DPY19L1: variants seen among roughly 807,000 people sequenced by gnomAD.
DPY19L1 encodes dpy-19 like C-mannosyltransferase 1.
In DPY19L1, 35 loss-of-function variants were observed where a neutral mutation model predicts 96.9. The observed-to-expected ratio is 0.36, with a 90% confidence interval of 0.28 to 0.48. The LOEUF (loss-of-function observed/expected upper bound fraction) is 0.48. Ranked by LOEUF, DPY19L1 falls within the 20% of genes least tolerant of loss-of-function variation. The pLI, the probability that DPY19L1 is intolerant of heterozygous loss-of-function variation, is 0.99. For synonymous variants in DPY19L1, 205 were observed against 252.6 expected (o/e 0.81, Z 1.79); for missense variants, 521 against 777.9 (o/e 0.67, Z 3.93).
intron 8 of DPY19L1, among the ~76,000 whole-genome samples, chr7:34,972,929 G>C (rs1159319487): frequency 6.6e-6 from 1 of 152,206 alleles, no homozygotes; most frequent in Non-Finnish European, 1.5e-5. Flanking sequence ...ATTGCCCAAA[G>C]GGTTTGGCAT....
intron 13 of DPY19L1, among the ~76,000 whole-genome samples, chr7:34,954,087 T>C (rs1784324295): frequency 6.6e-6 from 1 of 152,200 alleles, no homozygotes; most frequent in Non-Finnish European, 1.5e-5. Flanking sequence ...TTAAATTAAA[T>C]CTTTGATAGC....
intron 3 of DPY19L1, among the ~76,000 whole-genome samples, chr7:35,017,555 C>T (rs1175578129): frequency 1.9e-4 from 28 of 148,454 alleles, no homozygotes; most frequent in Admixed American, 1.7e-3. Context: ...ACCTGTAGTC[C>T]CAGCTACTCA....
At chr7:34,938,694 T>C (rs60463029) in intron 20 of DPY19L1, among the ~76,000 whole-genome samples, 2,921 of 152,212 alleles carry the variant, frequency 0.019, 105 homozygotes, top group African/African-American at 0.067. Context: ...CCTAATCACT[T>C]AGAAAATGAA....
At chr7:35,032,073 CTTG>C (rs1455034983) in intron 1 of DPY19L1, among the ~76,000 whole-genome samples, 66 of 152,270 alleles carry the variant, frequency 4.3e-4, no homozygotes, top group Non-Finnish European at 2.5e-4. Flanking sequence ...GCTCTTTCTA[CTTG>C]TTGTTCCTGT....
chr7:35,001,083 G>C (rs147711599), intron 6 of DPY19L1, among the ~76,000 whole-genome samples: 1 of 152,082 alleles, frequency 6.6e-6, no homozygotes, highest in Non-Finnish European at 1.5e-5. Flanking sequence ...TCTATAAAGC[G>C]GTTTACCTAT....
intron 6 of DPY19L1, among the ~76,000 whole-genome samples, chr7:35,001,999 C>T (rs1415366786): frequency 3.3e-5 from 5 of 151,728 alleles, no homozygotes; most frequent in Non-Finnish European, 1.5e-5. Context: ...GTGGTGCGTG[C>T]CTGTAGTCCC....
At chr7:34,990,093 T>C in intron 6 of DPY19L1, 152 bp from the exon 7 acceptor site, 1 of 494,826 alleles carries the variant, frequency 2.0e-6, no homozygotes, top group Non-Finnish European at 3.5e-6. Context: ...ATAGTTTATT[T>C]CCTCCAAAAG....
intron 10 of DPY19L1, among the ~76,000 whole-genome samples, chr7:34,961,117 A>C (rs1347978123): frequency 2.6e-5 from 4 of 152,298 alleles, no homozygotes; most frequent in South Asian, 2.1e-4. Flanking sequence ...CAATCCCAAT[A>C]ATGAGCCTAG....
At chr7:34,948,947 T>C (rs1784211321) in intron 14 of DPY19L1, among the ~76,000 whole-genome samples, 1 of 152,198 alleles carries the variant, frequency 6.6e-6, no homozygotes. Context: ...TCTCATCCAC[T>C]GGTCTGGAAC....
intron 10 of DPY19L1, among the ~76,000 whole-genome samples, chr7:34,959,609 C>A (rs539572603): frequency 1.3e-3 from 199 of 151,326 alleles, no homozygotes; most frequent in African/African-American, 4.7e-3. Flanking sequence ...CAAACTAACA[C>A]AGGAACAGAA....
At chr7:34,974,949 G>A (rs1040636898) in intron 7 of DPY19L1, among the ~76,000 whole-genome samples, 1 of 152,098 alleles carries the variant, frequency 6.6e-6, no homozygotes, top group Admixed American at 6.6e-5. Context: ...TGCCTTAGGT[G>A]CCTTGAACCA....
intron 11 of DPY19L1, among the ~76,000 whole-genome samples, chr7:34,956,903 G>A (rs758494893): frequency 1.3e-5 from 2 of 152,204 alleles, no homozygotes; most frequent in Non-Finnish European, 2.9e-5. Flanking sequence ...AATGATCTGA[G>A]TAACTTAATT....
At chr7:35,019,427 T>C (rs1275040170) in intron 1 of DPY19L1, among the ~76,000 whole-genome samples, 1 of 151,828 alleles carries the variant, frequency 6.6e-6, no homozygotes, top group Non-Finnish European at 1.5e-5. Flanking sequence ...CTCTCTAGCC[T>C]GGGCAACATA....
intron 11 of DPY19L1, among the ~76,000 whole-genome samples, chr7:34,956,138 T>C (rs939597029): frequency 2.0e-5 from 3 of 152,190 alleles, no homozygotes; most frequent in Non-Finnish European, 4.4e-5. Flanking sequence ...ACCTGACATA[T>C]AGAACTGAAA....
intron 10 of DPY19L1, among the ~76,000 whole-genome samples, chr7:34,959,760 T>C (rs1784452754): frequency 1.3e-5 from 2 of 151,684 alleles, no homozygotes; most frequent in African/African-American, 4.8e-5. Flanking sequence ...AAATACCTAA[T>C]GTAGATGACG....
intron 6 of DPY19L1, among the ~76,000 whole-genome samples, chr7:34,992,436 T>A (rs548067162): frequency 1.3e-5 from 2 of 152,188 alleles, no homozygotes; most frequent in South Asian, 2.1e-4. Context: ...GAGTCACATA[T>A]GGTTACAACT....
rs116483999 is a variant in DPY19L1 at position 34,940,676 on chromosome 7, C to T, written c.1690-349G>A. On this transcript the variant is annotated intron_variant, in intron 18 of 21. Transcript: ENST00000638088. ...AAAACAGCAGCAGCAAACATTCAAT[C>T]AAGTTCAGGGTCCTGAATGTGAGGT... The T allele has an allele frequency of 5.3e-3, 930 of 175,162 alleles. 7 individuals carry two copies. Among genetic ancestry groups the T allele is most frequent in the African/African-American group, 0.021 (885 of 41,888 alleles). The allele number at this position is 175,162 out of a possible 1,614,324, so 10.9% of individuals were successfully genotyped here. A position where few individuals can be genotyped will look rare whatever the true frequency, so the allele number is the denominator to read the frequency against.
intron 7 of DPY19L1, among the ~76,000 whole-genome samples, chr7:34,979,674 G>A (rs1562814702): frequency 6.6e-6 from 1 of 152,062 alleles, no homozygotes; most frequent in African/African-American, 2.4e-5. Context: ...TCAGACACCA[G>A]TGAGATATAT....
At chr7:34,952,285 T>A (rs1261508608) in intron 13 of DPY19L1, among the ~76,000 whole-genome samples, 20 of 152,058 alleles carry the variant, frequency 1.3e-4, no homozygotes. Flanking sequence ...TTAAAAAGCA[T>A]TATCCATTTG....
Sources: allele counts gnomAD v4.1 joint callset (sites outside exome capture counted in the v4.1 genomes callset), GRCh38; gene constraint gnomAD v4.1.1; transcripts MANE v1.5; gene names NCBI Gene and HGNC (gene_info 2026-07-23, HGNC 2026-07-21).